ARHGEF18: variants seen among roughly 807,000 people sequenced by gnomAD.
ARHGEF18 encodes rho guanine nucleotide exchange factor 18.
In ARHGEF18, 93 loss-of-function variants were observed where a neutral mutation model predicts 155.7. That is an observed-to-expected ratio of 0.60 (90% CI 0.50 to 0.71). The LOEUF is 0.71. ARHGEF18 is among the 30% of genes least tolerant of loss of function. The pLI, the probability that ARHGEF18 is intolerant of heterozygous loss-of-function variation, is 0.00. For missense variants in ARHGEF18, 1,593 were observed against 1,816.1 expected (o/e 0.88, Z 2.23); for synonymous variants, 742 against 753.1 (o/e 0.99, Z 0.24).
intron 10 of ARHGEF18, among the ~76,000 whole-genome samples, chr19:7,420,331 G>A (rs944504854): frequency 1.3e-5 from 2 of 152,138 alleles, no homozygotes. Flanking sequence ...GGCACAATCT[G>A]CAACCTCCAC....
Position 7,472,296 on chromosome 19 carries a change from T to G in ARHGEF18, c.*1998T>G, listed in dbSNP as rs1977077242. On this transcript the variant is annotated 3_prime_UTR_variant, in exon 29 of 29. Coordinates refer to ENST00000668164, the MANE Select transcript of ARHGEF18 (RefSeq NM_001367823.1). ...TTGGAGCCCGATTTTATTTGTAAAG[T>G]TGACAGTCGAGCAAATGTTCCTATT... 6.6e-6 allele frequency: 1 copy of G among 152,558 alleles called. No individual in the cohort carries two copies. Among genetic ancestry groups the G allele is most frequent in the African/African-American group, 2.4e-5 (1 of 41,480 alleles). The allele number at this position is 152,558 out of a possible 1,614,324, so 9.5% of individuals were successfully genotyped here.
chr19:7,467,098 C>G lies in ARHGEF18; in HGVS notation c.2989C>G (p.Gln997Glu). 6.2e-7 allele frequency: 1 copy of G among 1,604,938 alleles called. No homozygotes were observed. Among genetic ancestry groups the G allele is most frequent in the South Asian group, 1.1e-5 (1 of 90,616 alleles). The part of the protein sequence containing the change: ...ELVQRIQTLS[Q>E]LLLNLQAVIA... ...TGTCCAGCGGATCCAGACACTGTCC[C>G]AGCTGCTCCTGAACCTTCAGGTACA... The change falls in exon 25 of 29, where the codon CAG (glutamine) becomes GAG (glutamate). Residue 997 changes from glutamine to glutamate, a missense_variant. Coordinates refer to ENST00000668164, the MANE Select transcript of ARHGEF18 (RefSeq NM_001367823.1).
intron 10 of ARHGEF18, among the ~76,000 whole-genome samples, chr19:7,396,355 G>A (rs548420375): frequency 5.3e-5 from 8 of 152,234 alleles, no homozygotes; most frequent in African/African-American, 1.9e-4. Context: ...GGACAGTATA[G>A]ACAGCCCAGT....
intron 10 of ARHGEF18, among the ~76,000 whole-genome samples, chr19:7,398,898 G>A (rs900686200): frequency 2.6e-5 from 4 of 152,204 alleles, no homozygotes; most frequent in Non-Finnish European, 5.9e-5. Flanking sequence ...GGCCAGGGCC[G>A]TGGTGACTGG....
At chr19:7,353,546 C>G (rs985256625) in intron 1 of ARHGEF18, among the ~76,000 whole-genome samples, 1 of 147,698 alleles carries the variant, frequency 6.8e-6, no homozygotes, top group Middle Eastern at 3.5e-3. Flanking sequence ...GCCGAGATTG[C>G]GCCATTGCAT....
chr19:7,440,319 A>C lies in ARHGEF18; in HGVS notation c.968-25A>C. ...CTACCCGACCCACTTTCTCAGCACCAACTCTGTCCTTGCCTCTGTCACAGC... is the reference window on the plus strand; with the variant it reads ...CTACCCGACCCACTTTCTCAGCACCCACTCTGTCCTTGCCTCTGTCACAGC... On this transcript the variant is annotated intron_variant, in intron 10 of 28. Coordinates refer to ENST00000668164, the MANE Select transcript of ARHGEF18 (RefSeq NM_001367823.1). This position sits in a 1 kb window ranked among gnomAD's most constrained non-coding sequence, Gnocchi z 5.4. The C allele has an allele frequency of 6.2e-7, 1 of 1,607,802 alleles. No homozygotes were observed. The highest frequency in any genetic ancestry group is 8.5e-7 in the Non-Finnish European group (1 of 1,177,266).
chr19:7,368,731 T>C (rs1451959661), intron 2 of ARHGEF18, among the ~76,000 whole-genome samples: 1 of 152,052 alleles, frequency 6.6e-6, no homozygotes, highest in African/African-American at 2.4e-5. Context: ...CTTCGGGGGC[T>C]GCGACAGAAA....
chr19:7,364,369 G>GA (rs1446236539), intron 2 of ARHGEF18, among the ~76,000 whole-genome samples: 5 of 112,764 alleles, frequency 4.4e-5, no homozygotes, highest in South Asian at 3.2e-4. Context: ...GGAAGGAAAG[G>GA]AAGGAAGGAA....
At position 7,453,562 on chromosome 19, in the gene ARHGEF18, G is replaced by A; in HGVS notation, c.1951G>A (p.Gly651Ser). Residue 651 changes from glycine to serine, a missense_variant, in exon 17 of 29, where the codon GGC (glycine) becomes AGC (serine). Coordinates refer to ENST00000668164, the MANE Select transcript of ARHGEF18 (RefSeq NM_001367823.1). Reference sequence around the variant, plus strand: ...CGCCAAGGTCAGTGAGTGTGAGAAGGGCCAGCGCCTCAGGGAGATCGCAGG... The same window carrying A: ...CGCCAAGGTCAGTGAGTGTGAGAAGAGCCAGCGCCTCAGGGAGATCGCAGG... ...VDAKVSECEK[G>S]QRLREIAGKM... 6.2e-7 allele frequency: 1 copy of A among 1,614,018 alleles called. No individual in the cohort carries two copies. Among genetic ancestry groups the A allele is most frequent in the East Asian group, 2.2e-5 (1 of 44,882 alleles).
intron 16 of ARHGEF18, among the ~76,000 whole-genome samples, chr19:7,452,734 G>A (rs893274197): frequency 1.3e-5 from 2 of 151,764 alleles, no homozygotes; most frequent in Non-Finnish European, 2.9e-5. Flanking sequence ...CCAGAGTGCT[G>A]GGATTACAGG....
chr19:7,353,123 A>G (rs1320702956), intron 1 of ARHGEF18, among the ~76,000 whole-genome samples: 2 of 150,884 alleles, frequency 1.3e-5, no homozygotes, highest in African/African-American at 4.9e-5. Flanking sequence ...GGTGTGAGCC[A>G]CCGCGCCTGG....
At chr19:7,430,456 G>A (rs1266160010) in intron 10 of ARHGEF18, among the ~76,000 whole-genome samples, 1 of 151,696 alleles carries the variant, frequency 6.6e-6, no homozygotes, top group Non-Finnish European at 1.5e-5. Context: ...TCCCGCCTCA[G>A]CCCTGCAAAG....
chr19:7,442,778 C>T lies in ARHGEF18; in HGVS notation c.1360+726C>T, dbSNP rs115761898. On this transcript the variant is annotated intron_variant, in intron 13 of 28. Transcript: ENST00000668164. ...TTGCTTACAGTTCTAGAGGCTGGGA[C>T]GTCTAAGACCAAGGCGGCGGCAGAC... Among the ~76,000 whole-genome samples the T allele has an allele frequency of 9.4e-3, 1,431 of 152,286 alleles. 17 individuals are homozygous for T. Among genetic ancestry groups the T allele is most frequent in the Middle Eastern group, 0.02 (6 of 294 alleles).
intron 18 of ARHGEF18, among the ~76,000 whole-genome samples, chr19:7,457,025 C>T (rs758536021): frequency 6.6e-6 from 1 of 152,162 alleles, no homozygotes; most frequent in Non-Finnish European, 1.5e-5. Flanking sequence ...CGTGCGCCAC[C>T]GTGCCCAGCT....
At chr19:7,422,631 C>T (rs1208647579) in intron 10 of ARHGEF18, among the ~76,000 whole-genome samples, 1 of 151,988 alleles carries the variant, frequency 6.6e-6, no homozygotes, top group Non-Finnish European at 1.5e-5. Flanking sequence ...ACACCACCTC[C>T]TGGATCACCT....
In ARHGEF18 at chr19:7,459,890, C is replaced by A; in HGVS notation, c.2361-13C>A. 1 of 1,561,768 alleles carries A rather than the reference C, an allele frequency of 6.4e-7. No homozygotes were observed. Among genetic ancestry groups the A allele is most frequent in the South Asian group, 1.2e-5 (1 of 84,796 alleles). On this transcript the variant is annotated splice_polypyrimidine_tract_variant and intron_variant, in intron 19 of 28. Coordinates refer to ENST00000668164, the MANE Select transcript of ARHGEF18 (RefSeq NM_001367823.1). ...GGGAAGCACAGTTACCCACCCGACT[C>A]CTCTCCCTGCAGCTGCCCTGACGAG...
chr19:7,380,991 C>A lies in ARHGEF18; in HGVS notation c.719C>A (p.Ser240Ter), dbSNP rs556233299. Residue 240 changes from serine to a stop codon, truncating the protein, a stop_gained, in exon 8 of 29, where the codon TCG becomes TAG. Coordinates refer to ENST00000668164, the MANE Select transcript of ARHGEF18 (RefSeq NM_001367823.1). LOFTEE classifies it high-confidence loss of function. ...HSNLTWFEFL[S>*]ESEDGAGKNE... ...AACCTGACCTGGTTTGAATTCCTGT[C>A]GGAGTAAGTACACAGATCTGCTTCT... The A allele has an allele frequency of 7.3e-6, 9 of 1,232,150 alleles. No individual in the cohort carries two copies. Among genetic ancestry groups the A allele is most frequent in the Non-Finnish European group, 9.1e-6 (9 of 987,992 alleles). 76.3% of individuals were successfully genotyped at this position (1,232,150 alleles called of 1,614,324 possible). A position where few individuals can be genotyped will look rare whatever the true frequency, so the allele number is the denominator to read the frequency against.
downstream of ARHGEF18, among the ~76,000 whole-genome samples, chr19:7,474,754 A>AGTGAGTGTGTGTGTGTGTGTGT (rs796866599): frequency 8.2e-4 from 117 of 142,034 alleles, 2 homozygotes; most frequent in African/African-American, 3.0e-3. Context: ...TGGGCATTGG[A>AGTGAGTGTGTGTGTGTGTGTGT]GTGTGTGTGT....
chr19:7,376,757 GGT>G lies in ARHGEF18; in HGVS notation c.541+1_541+2del. ...GGAAGTGCCCACTCCACCTGTTCAAGGTAGCCAGCCTGGGAGTTTCCTTCATT... is the reference window on the plus strand; with the variant it reads ...GGAAGTGCCCACTCCACCTGTTCAAGAGCCAGCCTGGGAGTTTCCTTCATT... On this transcript the variant is annotated splice_donor_variant, in intron 5 of 28. Coordinates refer to ENST00000668164, the MANE Select transcript of ARHGEF18 (RefSeq NM_001367823.1). LOFTEE classifies it high-confidence loss of function. 1 of 1,234,280 alleles carries G rather than the reference GGT, an allele frequency of 8.1e-7. No individual in the cohort carries two copies. The highest frequency in any genetic ancestry group is 2.1e-4 in the Middle Eastern group (1 of 4,840). The allele number at this position is 1,234,280 out of a possible 1,614,324, so 76.5% of individuals were successfully genotyped here. A position where few individuals can be genotyped will look rare whatever the true frequency, so the allele number is the denominator to read the frequency against.
Sources: allele counts gnomAD v4.1 joint callset (sites outside exome capture counted in the v4.1 genomes callset), GRCh38; gene constraint gnomAD v4.1.1; non-coding constraint Gnocchi (gnomAD v3.1); transcripts MANE v1.5; gene names NCBI Gene and HGNC (gene_info 2026-07-23, HGNC 2026-07-21).